Variants in IQCH observed in about 807,000 individuals in gnomAD.
IQCH encodes the protein IQ domain-containing protein H.
In IQCH, 98 loss-of-function variants were observed where a neutral mutation model predicts 117.0. That is an observed-to-expected ratio of 0.84 (90% CI 0.71 to 0.99). The LOEUF is 0.99. Among genes scored for constraint, IQCH ranks in the 50% least tolerant of loss-of-function variants. The probability of loss-of-function intolerance (pLI) is 0.00; values close to 1 mark genes in which losing one functional copy is unlikely to be tolerated. For synonymous variants in IQCH, 412 were observed against 448.2 expected, an observed-to-expected ratio of 0.92 and a Z score of 1.02; for missense variants, 1,102 against 1,243.8, an observed-to-expected ratio of 0.89 and a Z score of 1.72.
chr15:67,360,570 C>T (rs1024159515), intron 8 of IQCH, among the ~76,000 whole-genome samples: 1 of 152,228 alleles, frequency 6.6e-6, no homozygotes, highest in South Asian at 2.1e-4. Flanking sequence ...GCTTCCTTCA[C>T]GTAGAGTTGC....
At chr15:67,343,602 T>G (rs1000149785) in intron 5 of IQCH, among the ~76,000 whole-genome samples, 2 of 152,216 alleles carry the variant, frequency 1.3e-5, no homozygotes, top group African/African-American at 4.8e-5. Context: ...AAATAACTCC[T>G]TATTTGATAA....
chr15:67,368,759 C>A (rs1380012906), intron 8 of IQCH, among the ~76,000 whole-genome samples: 1 of 152,146 alleles, frequency 6.6e-6, no homozygotes, highest in Admixed American at 6.5e-5. Context: ...CTGCTTGTAT[C>A]TGATTATGGA....
intron 4 of IQCH, among the ~76,000 whole-genome samples, chr15:67,279,830 G>A (rs1019254068): frequency 4.6e-5 from 7 of 152,050 alleles, no homozygotes; most frequent in East Asian, 1.9e-4. Flanking sequence ...GTAAAACCCC[G>A]TCTCTACTAA....
chr15:67,497,165 A>G (rs4274386), intron 20 of IQCH, among the ~76,000 whole-genome samples: 129,456 of 151,906 alleles, frequency 0.85, 55,232 homozygotes, highest in Middle Eastern at 0.89. Flanking sequence ...GGCAGACCCT[A>G]TCTAAAAATT....
chr15:67,280,600 C>G (rs1183684525), intron 4 of IQCH, among the ~76,000 whole-genome samples: 1 of 152,120 alleles, frequency 6.6e-6, no homozygotes, highest in African/African-American at 2.4e-5. Flanking sequence ...CATTAGGGTT[C>G]TACCCTCATG....
chr15:67,420,953 G>A (rs1409295071), intron 15 of IQCH, among the ~76,000 whole-genome samples: 2 of 152,176 alleles, frequency 1.3e-5, no homozygotes, highest in African/African-American at 4.8e-5. Flanking sequence ...TGAGGGATTT[G>A]ACCATAATTC....
At position 67,406,386 on chromosome 15, in the gene IQCH, T is replaced by C. The variant is rs1268357520; in HGVS notation, c.2097+6081T>C. The C allele has an allele frequency of 3.3e-5, 5 of 151,978 alleles. No individual in the cohort carries two copies. Among genetic ancestry groups the C allele is most frequent in the Non-Finnish European group, 5.9e-5 (4 of 68,012 alleles). The allele number at this position is 151,978 out of a possible 1,614,324, so 9.4% of individuals were successfully genotyped here. ...CTATCTCTACAAAAAATTTAAAAAT[T>C]AGGTGTGTGCCTGTAGTTCCAGCTA... On this transcript the variant is annotated intron_variant, in intron 14 of 20. Coordinates refer to ENST00000335894, the MANE Select transcript of IQCH (RefSeq NM_001031715.3). This position sits in a 1 kb window ranked among gnomAD's most constrained non-coding sequence, Gnocchi z 4.5.
intron 4 of IQCH, among the ~76,000 whole-genome samples, chr15:67,290,325 A>G (rs367750278): frequency 6.6e-6 from 1 of 152,062 alleles, no homozygotes; most frequent in African/African-American, 2.4e-5. Context: ...TAATTTCTGC[A>G]TCTGTAATAA....
chr15:67,418,136 AG>A (rs1387417983), intron 15 of IQCH, among the ~76,000 whole-genome samples: 5 of 152,278 alleles, frequency 3.3e-5, no homozygotes, highest in African/African-American at 9.6e-5. Flanking sequence ...GCTAACACGT[AG>A]AAGAGCCCAT....
intron 4 of IQCH, among the ~76,000 whole-genome samples, chr15:67,317,741 T>C (rs775991990): frequency 6.6e-6 from 1 of 152,220 alleles, no homozygotes; most frequent in Non-Finnish European, 1.5e-5. Flanking sequence ...AGGTACTCAA[T>C]AAATGATTAA....
At position 67,385,422 on chromosome 15, in the gene IQCH, G is replaced by A. The variant is rs1313550395; in HGVS notation, c.1456+403G>A. 6.6e-6 allele frequency among the ~76,000 whole-genome samples: 1 copy of A among 152,066 alleles called. No individual in the cohort carries two copies. The highest frequency in any genetic ancestry group is 1.5e-5 in the Non-Finnish European group (1 of 68,028). ...GGTGGTATCAGAAATGAAGCATTGT[G>A]TTTTCATAAGAAGAAAAAGGGGAAA... On this transcript the variant is annotated intron_variant, in intron 11 of 20. Transcript: ENST00000335894. The surrounding 1 kb of genome is among the most constrained non-coding windows in gnomAD (Gnocchi z 4.6).
chr15:67,438,216 C>A (rs2082185454), intron 16 of IQCH, among the ~76,000 whole-genome samples: 1 of 152,206 alleles, frequency 6.6e-6, no homozygotes, highest in African/African-American at 2.4e-5. Flanking sequence ...AGAAACCCTA[C>A]AAGCTAGAAG....
chr15:67,435,260 A>G (rs2082110689), intron 16 of IQCH, among the ~76,000 whole-genome samples: 1 of 152,024 alleles, frequency 6.6e-6, no homozygotes, highest in Admixed American at 6.6e-5. Flanking sequence ...AGCACCTTTT[A>G]TATACCTGTT....
intron 16 of IQCH, among the ~76,000 whole-genome samples, chr15:67,441,600 A>C (rs960117607): frequency 6.6e-6 from 1 of 152,118 alleles, no homozygotes; most frequent in African/African-American, 2.4e-5. Flanking sequence ...ACAGCCAACT[A>C]ATCTTTGACA....
Position 67,430,181 on chromosome 15 carries a change from A to G in IQCH, c.2505+8604A>G, listed in dbSNP as rs923033528. On this transcript the variant is annotated intron_variant, in intron 16 of 20. Transcript: ENST00000335894. This position sits in a 1 kb window ranked among gnomAD's most constrained non-coding sequence, Gnocchi z 5.1. ...CATGTTGGAGATCTGGCCTTCCCAC[A>G]TAAGGATAATATTATGTAAGGGGAT... 1.3e-5 allele frequency: 2 copies of G among 152,162 alleles called. No homozygotes were observed. Among genetic ancestry groups the G allele is most frequent in the South Asian group, 2.1e-4 (1 of 4,814 alleles). 9.4% of individuals were successfully genotyped at this position (152,162 alleles called of 1,614,324 possible).
intron 16 of IQCH, among the ~76,000 whole-genome samples, chr15:67,440,264 T>G (rs2082238496): frequency 6.6e-6 from 1 of 152,194 alleles, no homozygotes; most frequent in African/African-American, 2.4e-5. Context: ...ACCAGACGTA[T>G]TCACAGCAGA....
Position 67,377,739 on chromosome 15 carries a change from C to T in IQCH, c.1372+4306C>T, listed in dbSNP as rs79152238. ...TTAAACCCCCAGGGATGAGTTTTCACTCTCACTTCTCCTCCTCCTTTAAAG... is the reference window on the plus strand; with the variant it reads ...TTAAACCCCCAGGGATGAGTTTTCATTCTCACTTCTCCTCCTCCTTTAAAG... On this transcript the variant is annotated intron_variant, in intron 10 of 20. Coordinates refer to ENST00000335894, the MANE Select transcript of IQCH (RefSeq NM_001031715.3). 1.6e-3 allele frequency among the ~76,000 whole-genome samples: 239 copies of T among 152,274 alleles called. 1 individual carries two copies. The highest frequency in any genetic ancestry group is 3.4e-3 in the Middle Eastern group (1 of 294).
chr15:67,347,866 T>C (rs568458810), intron 6 of IQCH, among the ~76,000 whole-genome samples: 121 of 147,220 alleles, frequency 8.2e-4, no homozygotes, highest in Admixed American at 2.9e-3. Context: ...TATATATCTA[T>C]ATATTTATAT....
chr15:67,497,770 G>A (rs897536437), intron 20 of IQCH, among the ~76,000 whole-genome samples: 12 of 152,134 alleles, frequency 7.9e-5, no homozygotes, highest in African/African-American at 2.7e-4. Context: ...GATTACAGCC[G>A]TGAACCACCG....
Sources: allele counts gnomAD v4.1 joint callset (sites outside exome capture counted in the v4.1 genomes callset), GRCh38; gene constraint gnomAD v4.1.1; non-coding constraint Gnocchi (gnomAD v3.1); transcripts MANE v1.5; gene names NCBI Gene and HGNC (gene_info 2026-07-23, HGNC 2026-07-21).